Variants in ERG observed in about 807,000 individuals in gnomAD.
ERG encodes ETS transcription factor ERG.
ERG carries 9 observed loss-of-function variants against 55.3 expected under a neutral mutation model. That is an observed-to-expected ratio of 0.16 (90% CI 0.10 to 0.28). The LOEUF is 0.28. Ranked by LOEUF, ERG falls within the 10% of genes least tolerant of loss-of-function variation. ERG has a pLI of 1.00. For synonymous variants in ERG, 223 were observed against 237.3 expected (o/e 0.94, Z 0.55); for missense variants, 434 against 631.6 (o/e 0.69, Z 3.35).
At chr21:38,566,726 T>G (rs2059925366) in intron 2 of ERG, among the ~76,000 whole-genome samples, 1 of 152,080 alleles carries the variant, frequency 6.6e-6, no homozygotes, top group Non-Finnish European at 1.5e-5. Flanking sequence ...AAAAACATGG[T>G]TCCTTTTATA....
chr21:38,490,682 G>A (rs926571595), intron 1 of ERG, among the ~76,000 whole-genome samples: 4 of 152,198 alleles, frequency 2.6e-5, no homozygotes, highest in African/African-American at 9.6e-5. Flanking sequence ...TGGAGAAGGC[G>A]GAGCTGACCA....
At chr21:38,467,122 T>C (rs1305732649) in intron 1 of ERG, among the ~76,000 whole-genome samples, 1 of 152,176 alleles carries the variant, frequency 6.6e-6, no homozygotes, top group Non-Finnish European at 1.5e-5. Context: ...ACTTGGTTTT[T>C]TATCTATATG....
chr21:38,437,828 G>A (rs1016221222), intron 2 of ERG, among the ~76,000 whole-genome samples: 6 of 152,076 alleles, frequency 3.9e-5, no homozygotes, highest in African/African-American at 7.2e-5. Flanking sequence ...CCACTCTCAC[G>A]CAGATGTCTC....
At chr21:38,407,656 T>C (rs1424400953) in intron 3 of ERG, among the ~76,000 whole-genome samples, 2 of 123,574 alleles carry the variant, frequency 1.6e-5, no homozygotes, top group South Asian at 4.6e-4. Flanking sequence ...TTAATGTATA[T>C]TATATGTATA....
chr21:38,597,059 C>G (rs143866908), intron 1 of ERG, among the ~76,000 whole-genome samples: 412 of 152,262 alleles, frequency 2.7e-3, no homozygotes, highest in African/African-American at 9.5e-3. Context: ...ATGGTAATAT[C>G]TTCTTCTTCC....
At chr21:38,658,225 G>A (rs1341900075) in intron 1 of ERG, among the ~76,000 whole-genome samples, 1 of 152,208 alleles carries the variant, frequency 6.6e-6, no homozygotes, top group African/African-American at 2.4e-5. Flanking sequence ...CATTCAGAGA[G>A]ATCAGCTGTC....
chr21:38,633,890 A>AG lies in ERG; in HGVS notation c.-150+27767_-150+27768insC, dbSNP rs2060372197. ...CAGCAGTTGATATGAAAAAAAAAAA[A>AG]ATCAGGTTGTTTCCAAAGGCAGTGT... On this transcript the variant is annotated intron_variant, in intron 1 of 10. Transcript: ENST00000398910. Among the ~76,000 whole-genome samples the AG allele has an allele frequency of 1.3e-5, 2 of 151,356 alleles. 1 individual carries two copies. Among genetic ancestry groups the AG allele is most frequent in the South Asian group, 4.2e-4 (2 of 4,778 alleles).
chr21:38,603,699 C>T (rs1380887408), intron 1 of ERG, among the ~76,000 whole-genome samples: 2 of 152,014 alleles, frequency 1.3e-5, no homozygotes, highest in Non-Finnish European at 2.9e-5. Context: ...CAACTTTGCT[C>T]TTGGATCAAG....
At chr21:38,536,777 T>C (rs774292035) in intron 2 of ERG, among the ~76,000 whole-genome samples, 34 of 152,350 alleles carry the variant, frequency 2.2e-4, no homozygotes, top group Non-Finnish European at 4.4e-4. Flanking sequence ...TTGATTTGGC[T>C]AAAAATATTT....
At chr21:38,436,063 A>G (rs919580062) in intron 2 of ERG, among the ~76,000 whole-genome samples, 6 of 130,654 alleles carry the variant, frequency 4.6e-5, no homozygotes, top group African/African-American at 1.8e-4. Flanking sequence ...CTTGTTGCCT[A>G]GGCTGGAGTG....
intron 2 of ERG, among the ~76,000 whole-genome samples, chr21:38,442,618 C>T (rs190500090): frequency 9.2e-5 from 14 of 152,162 alleles, no homozygotes; most frequent in African/African-American, 3.1e-4. Flanking sequence ...ACTGTAGCCC[C>T]TTGCCTGGGG....
At chr21:38,590,108 A>G (rs1176118101) in intron 1 of ERG, among the ~76,000 whole-genome samples, 1 of 152,210 alleles carries the variant, frequency 6.6e-6, no homozygotes, top group Non-Finnish European at 1.5e-5. Context: ...AACTATTACC[A>G]TGATAAGTGG....
In ERG at chr21:38,628,522, C is replaced by T. The variant is rs743443; in HGVS notation, c.-150+33136G>A. On this transcript the variant is annotated intron_variant, in intron 1 of 10. Transcript: ENST00000398910. ...GGGTCGATCTAAAACACAAAATGTC[C>T]CTGCTCAATAGCCACCTGCACACCC... Among the ~76,000 whole-genome samples the T allele has an allele frequency of 2.5e-3, 377 of 152,208 alleles. 1 individual carries two copies. Among genetic ancestry groups the T allele is most frequent in the Middle Eastern group, 6.8e-3 (2 of 294 alleles).
rs1205393566 is a variant in ERG at position 38,650,165 on chromosome 21, T to C, written c.-150+11493A>G. On this transcript the variant is annotated intron_variant, in intron 1 of 10. Transcript: ENST00000398910. ...AATAAAAAGAGTGAAATTCCCTTAT[T>C]ATGCACTAGCGATAATGAAAACAAA... Among the ~76,000 whole-genome samples the C allele has an allele frequency of 2.0e-5, 3 of 152,156 alleles. No individual in the cohort carries two copies. In the South Asian group the frequency reaches 6.2e-4, roughly 32 times the overall value.
intron 1 of ERG, among the ~76,000 whole-genome samples, chr21:38,622,325 G>A (rs563135250): frequency 8.3e-4 from 127 of 152,164 alleles, no homozygotes; most frequent in Non-Finnish European, 1.5e-3. Flanking sequence ...GCCGCGCCGA[G>A]GGAATGGGTC....
chr21:38,467,938 T>C (rs1212395352), intron 1 of ERG, among the ~76,000 whole-genome samples: 1 of 152,246 alleles, frequency 6.6e-6, no homozygotes, highest in Admixed American at 6.5e-5. Context: ...TGGCCATGCA[T>C]GCTGTAGCCT....
At chr21:38,598,158 T>C (rs958081724) in intron 1 of ERG, among the ~76,000 whole-genome samples, 3 of 152,160 alleles carry the variant, frequency 2.0e-5, no homozygotes, top group Non-Finnish European at 4.4e-5. Flanking sequence ...AGGGCTTCCC[T>C]CTAAAAACCA....
rs550888811 is a variant in ERG at position 38,577,781 on chromosome 21, A to G, written c.-126-2034T>C. Among the ~76,000 whole-genome samples the G allele has an allele frequency of 3.9e-5, 6 of 152,322 alleles. No individual in the cohort carries two copies. In the South Asian group the frequency reaches 1.0e-3, roughly 26 times the overall value. The stretch of plus-strand genomic sequence containing the variant: ...TGCACAACCCTGCTCTGGGGAGCAC[A>G]TGGCTATTTCCGTATGTCTGGACAT... On this transcript the variant is annotated intron_variant, in intron 1 of 8. Coordinates refer to the ERG transcript ENST00000398897.
chr21:38,547,556 A>G (rs2059796021), intron 2 of ERG, among the ~76,000 whole-genome samples: 1 of 152,222 alleles, frequency 6.6e-6, no homozygotes, highest in Non-Finnish European at 1.5e-5. Context: ...CAAATCATTA[A>G]AGAGGGCGAC....
Sources: gnomAD v4.1 joint callset for allele counts (sites outside exome capture counted in the v4.1 genomes callset) on GRCh38, gnomAD v4.1.1 for gene constraint, MANE v1.5 for transcripts, NCBI Gene and HGNC (gene_info 2026-07-23, HGNC 2026-07-21) for gene names.